Variants in ANKRD42 observed in about 807,000 individuals in gnomAD.
The protein encoded by ANKRD42 is ankyrin repeat domain 42, also known as ankyrin repeat domain-containing protein 42.
Under a neutral mutation model 51.5 loss-of-function variants are expected in ANKRD42, and 43 were observed. That is an observed-to-expected ratio of 0.83 (90% CI 0.65 to 1.08). ANKRD42 has a LOEUF of 1.08. Ranked by LOEUF, ANKRD42 falls within the 50% of genes least tolerant of loss-of-function variation. ANKRD42 has a pLI of 0.00. For missense variants in ANKRD42, 608 were observed against 629.3 expected (o/e 0.97, Z 0.36); for synonymous variants, 203 against 213.0 (o/e 0.95, Z 0.41).
At chr11:83,216,226 T>G (rs951795500) in intron 5 of ANKRD42, among the ~76,000 whole-genome samples, 4 of 152,230 alleles carry the variant, frequency 2.6e-5, no homozygotes, top group Non-Finnish European at 5.9e-5. Flanking sequence ...TATTCTAGGG[T>G]TGTCCATGTT....
chr11:83,234,370 T>C (rs1026592811), intron 7 of ANKRD42, among the ~76,000 whole-genome samples: 3 of 152,228 alleles, frequency 2.0e-5, no homozygotes, highest in African/African-American at 4.8e-5. Flanking sequence ...TTTTAGTTAT[T>C]TAATAATTGT....
intron 5 of ANKRD42, among the ~76,000 whole-genome samples, chr11:83,216,278 A>G (rs1311308892): frequency 6.7e-6 from 1 of 150,320 alleles, no homozygotes; most frequent in East Asian, 2.0e-4. Context: ...AATGTTTTCC[A>G]TTTGCACATT....
chr11:83,263,683 A>C (rs1432459762), downstream of ANKRD42, among the ~76,000 whole-genome samples: 3 of 152,190 alleles, frequency 2.0e-5, no homozygotes, highest in Non-Finnish European at 4.4e-5. Context: ...GATTTTAAAA[A>C]TTGGAACTAA....
chr11:83,228,721 G>T (rs1216319267), intron 7 of ANKRD42, among the ~76,000 whole-genome samples: 11 of 152,108 alleles, frequency 7.2e-5, no homozygotes, highest in Admixed American at 6.6e-4. Flanking sequence ...GAATCTAAGT[G>T]CTATGTGTAC....
In ANKRD42 at chr11:83,193,911, C is replaced by G. The variant is rs1861513908; in HGVS notation, c.-760C>G. ...ACGGTCTACACGGCCATTCCGGCGCCGAGTCTAGGGAAAGAGTTAGCGACG... is the reference window on the plus strand; with the variant it reads ...ACGGTCTACACGGCCATTCCGGCGCGGAGTCTAGGGAAAGAGTTAGCGACG... On this transcript the variant is annotated 5_prime_UTR_variant, in exon 1 of 11. Transcript: ENST00000533342. The G allele has an allele frequency of 8.8e-6, 4 of 454,356 alleles. No individual in the cohort carries two copies. Among genetic ancestry groups the G allele is most frequent in the South Asian group, 4.7e-5 (3 of 64,492 alleles). The allele number at this position is 454,356 out of a possible 1,614,324, so 28.1% of individuals were successfully genotyped here. A position where few individuals can be genotyped will look rare whatever the true frequency, so the allele number is the denominator to read the frequency against.
At chr11:83,228,791 A>G (rs762106258) in intron 7 of ANKRD42, among the ~76,000 whole-genome samples, 1 of 152,136 alleles carries the variant, frequency 6.6e-6, no homozygotes, top group Non-Finnish European at 1.5e-5. Flanking sequence ...GTTTTCTCCT[A>G]CACAGAGAGA....
At chr11:83,258,609 T>C (rs547167861), downstream of ANKRD42, among the ~76,000 whole-genome samples, 1 of 152,242 alleles carries the variant, frequency 6.6e-6, no homozygotes, top group Admixed American at 6.5e-5. Context: ...GCTGTGAAAA[T>C]AGGTGAGCAC....
At chr11:83,255,728 C>A in intron 11 of ANKRD42, 1 of 678,904 alleles carries the variant, frequency 1.5e-6, no homozygotes, top group Non-Finnish European at 2.4e-6. Context: ...GAAATTTAAT[C>A]AGAGTTGAAA....
At chr11:83,232,729 G>A (rs573385579) in intron 7 of ANKRD42, among the ~76,000 whole-genome samples, 1 of 152,198 alleles carries the variant, frequency 6.6e-6, no homozygotes, top group Admixed American at 6.5e-5. Context: ...TGTCATATAT[G>A]ACTTTTATTA....
chr11:83,262,908 A>G (rs1461361950), downstream of ANKRD42, among the ~76,000 whole-genome samples: 1 of 152,192 alleles, frequency 6.6e-6, no homozygotes, highest in East Asian at 1.9e-4. Flanking sequence ...TGATCCTGCT[A>G]CTATTTGCTG....
intron 4 of ANKRD42, among the ~76,000 whole-genome samples, chr11:83,211,013 C>T (rs1862293837): frequency 6.6e-6 from 1 of 152,118 alleles, no homozygotes; most frequent in South Asian, 2.1e-4. Context: ...TTCAATCTAT[C>T]CCTTTCATTT....
chr11:83,238,093 A>G (rs985025338), intron 8 of ANKRD42, among the ~76,000 whole-genome samples: 2 of 152,204 alleles, frequency 1.3e-5, no homozygotes, highest in African/African-American at 4.8e-5. Context: ...ATAGTATTCC[A>G]TAATTCAATT....
chr11:83,225,056 G>T lies in ANKRD42; in HGVS notation c.787+1G>T, dbSNP rs764274985. Reference sequence around the variant, plus strand: ...GGAAAAGACCTAGAGGATCAGGAAAGTAAGTAATTAAGTTATATGTTCTAG... The same window carrying T: ...GGAAAAGACCTAGAGGATCAGGAAATTAAGTAATTAAGTTATATGTTCTAG... On this transcript the variant is annotated splice_donor_variant, in intron 6 of 10. Coordinates refer to ENST00000533342, the MANE Select transcript of ANKRD42 (RefSeq NM_001300975.2). LOFTEE classifies it high-confidence loss of function. 1 of 1,609,412 alleles carries T rather than the reference G, an allele frequency of 6.2e-7. No homozygotes were observed. The highest frequency in any genetic ancestry group is 1.3e-5 in the African/African-American group (1 of 74,788).
chr11:83,227,548 T>G (rs1282916213), intron 6 of ANKRD42, among the ~76,000 whole-genome samples, 199 bp from the exon 7 acceptor site: 1 of 152,216 alleles, frequency 6.6e-6, no homozygotes, highest in Non-Finnish European at 1.5e-5. Flanking sequence ...TTTGAAGTCC[T>G]GAGGGTAAAA....
At chr11:83,241,778 G>C (rs1863395473) in intron 9 of ANKRD42, among the ~76,000 whole-genome samples, 1 of 152,116 alleles carries the variant, frequency 6.6e-6, no homozygotes, top group African/African-American at 2.4e-5. Context: ...ATTCAGGGTG[G>C]GGAATGATGT....
At chr11:83,216,703 T>A (rs112496976) in intron 5 of ANKRD42, among the ~76,000 whole-genome samples, 11 of 152,340 alleles carry the variant, frequency 7.2e-5, no homozygotes, top group African/African-American at 2.6e-4. Context: ...GCTTTCTGTC[T>A]TCTTTATTTA....
rs145815586 is a variant in ANKRD42 at position 83,196,398 on chromosome 11, AGTGTGT to A, written c.58+1698_58+1703del. 5.6e-3 allele frequency among the ~76,000 whole-genome samples: 700 copies of A among 124,668 alleles called. 1 individual carries two copies. Among genetic ancestry groups the A allele is most frequent in the Non-Finnish European group, 7.3e-3 (441 of 60,676 alleles). 81.8% of individuals were successfully genotyped at this position (124,668 alleles called of 152,430 possible). On this transcript the variant is annotated intron_variant, in intron 1 of 10. Transcript: ENST00000533342. Reference sequence around the variant, plus strand: ...TAGGATTTGTGTGTGAGTGTGTGAGAGTGTGTGTGTGTGTGTGTGTGTGTGTGTGTG... The same window carrying A: ...TAGGATTTGTGTGTGAGTGTGTGAGAGTGTGTGTGTGTGTGTGTGTGTGTG...
chr11:83,260,637 T>G (rs1863886807), downstream of ANKRD42: 1 of 152,240 alleles, frequency 6.6e-6, no homozygotes, highest in South Asian at 2.1e-4. Context: ...AAGGCTATTT[T>G]GAATAATGAT....
downstream of ANKRD42, among the ~76,000 whole-genome samples, chr11:83,253,089 T>G (rs142813728): frequency 4.7e-4 from 71 of 152,300 alleles, 1 homozygote; most frequent in East Asian, 0.013. Flanking sequence ...ATTTTCTACC[T>G]ACAAAGGTCT....
Sources: gnomAD v4.1 joint callset for allele counts (sites outside exome capture counted in the v4.1 genomes callset) on GRCh38, gnomAD v4.1.1 for gene constraint, MANE v1.5 for transcripts, NCBI Gene and HGNC (gene_info 2026-07-23, HGNC 2026-07-21) for gene names.